The following PCSK5 variants were observed in gnomAD, a reference collection of about 807,000 sequenced individuals.
PCSK5 encodes the protein proprotein convertase subtilisin/kexin type 5.
A neutral mutation model predicts 233.2 loss-of-function variants in PCSK5; 129 were observed. That is an observed-to-expected ratio of 0.55 (90% CI 0.48 to 0.64). The LOEUF is 0.64. Ranked by LOEUF, PCSK5 falls within the 30% of genes least tolerant of loss-of-function variation. The probability of loss-of-function intolerance (pLI) is 0.00; values close to 1 mark genes in which losing one functional copy is unlikely to be tolerated. For missense variants in PCSK5, 2,076 were observed against 2,430.1 expected (o/e 0.85, Z 3.06); for synonymous variants, 825 against 879.2 (o/e 0.94, Z 1.09).
rs1286020691 is a variant in PCSK5 at position 76,282,145 on chromosome 9, T to TTTTTTTTC, written c.3143-10086_3143-10085insTTTTTCTT. 3.4e-4 allele frequency among the ~76,000 whole-genome samples: 34 copies of TTTTTTTTC among 98,988 alleles called. 8 individuals are homozygous for TTTTTTTTC. Among genetic ancestry groups the TTTTTTTTC allele is most frequent in the Admixed American group, 5.2e-4 (4 of 7,630 alleles). The allele number at this position is 98,988 out of a possible 152,430, so 64.9% of individuals were successfully genotyped here. On this transcript the variant is annotated intron_variant, in intron 24 of 37. Transcript: ENST00000674117. ...CTTTTTTTTTTTTTTTTTTTTTTTTTTTCGCTCTGTTGCCCAGGCTGGAGC... is the reference window on the plus strand; with the variant it reads ...CTTTTTTTTTTTTTTTTTTTTTTTTTTTTTTTTCTTCGCTCTGTTGCCCAGGCTGGAGC...
chr9:76,069,995 A>G (rs1830426116), intron 6 of PCSK5, among the ~76,000 whole-genome samples: 1 of 123,804 alleles, frequency 8.1e-6, no homozygotes, highest in South Asian at 2.9e-4. Flanking sequence ...TTTCCATTCC[A>G]ATTTTTTTTT....
chr9:76,247,770 T>C (rs1826662179), intron 24 of PCSK5, among the ~76,000 whole-genome samples: 1 of 149,902 alleles, frequency 6.7e-6, no homozygotes, highest in African/African-American at 2.5e-5. Flanking sequence ...CTTCACTAGC[T>C]ATATCTTTTT....
chr9:75,986,715 T>G (rs2131394415), intron 3 of PCSK5, among the ~76,000 whole-genome samples: 1 of 152,318 alleles, frequency 6.6e-6, no homozygotes, highest in South Asian at 2.1e-4. Context: ...GCACTCTCAC[T>G]TTAGGTAATA....
chr9:76,091,757 C>T (rs1019916921), intron 7 of PCSK5, among the ~76,000 whole-genome samples: 1 of 152,184 alleles, frequency 6.6e-6, no homozygotes, highest in Non-Finnish European at 1.5e-5. Context: ...TGACCAACTC[C>T]GATTAGCCCC....
intron 24 of PCSK5, among the ~76,000 whole-genome samples, chr9:76,258,910 T>C (rs1164471119): frequency 6.6e-6 from 1 of 152,214 alleles, no homozygotes; most frequent in African/African-American, 2.4e-5. Context: ...ACGTGGCTAA[T>C]GACAGTTACC....
intron 5 of PCSK5, among the ~76,000 whole-genome samples, chr9:76,056,590 TTA>T (rs1829826687): frequency 6.6e-6 from 1 of 152,238 alleles, no homozygotes; most frequent in Admixed American, 6.5e-5. Flanking sequence ...AGACCTTTAA[TTA>T]TAGTGGTTTA....
chr9:76,329,971 C>T (rs898049756), intron 33 of PCSK5, among the ~76,000 whole-genome samples: 1 of 152,076 alleles, frequency 6.6e-6, no homozygotes, highest in African/African-American at 2.4e-5. Flanking sequence ...CCGAGAGTCA[C>T]ACCTGGAGGA....
intron 5 of PCSK5, among the ~76,000 whole-genome samples, chr9:76,049,132 G>C (rs1003949766): frequency 1.6e-4 from 24 of 151,832 alleles, no homozygotes; most frequent in Non-Finnish European, 5.9e-5. Flanking sequence ...GAAAAAAGGA[G>C]ACATGTCAGA....
intron 30 of PCSK5, among the ~76,000 whole-genome samples, chr9:76,315,989 T>G (rs1939173581): frequency 6.9e-6 from 1 of 145,190 alleles, no homozygotes; most frequent in African/African-American, 2.5e-5. Context: ...TTTCAGCATC[T>G]CATCCAACAT....
At chr9:76,048,720 A>G (rs945483851) in intron 5 of PCSK5, among the ~76,000 whole-genome samples, 1 of 152,232 alleles carries the variant, frequency 6.6e-6, no homozygotes, top group Non-Finnish European at 1.5e-5. Context: ...TAAATGTGAG[A>G]ACCTAAGTGA....
At chr9:76,085,475 A>T (rs1354074530) in intron 7 of PCSK5, among the ~76,000 whole-genome samples, 1 of 152,278 alleles carries the variant, frequency 6.6e-6, no homozygotes, top group Non-Finnish European at 1.5e-5. Context: ...AAGATTGCAC[A>T]TATGAAGTAT....
At chr9:76,090,593 GTTC>G (rs1831244969) in intron 7 of PCSK5, among the ~76,000 whole-genome samples, 1 of 152,134 alleles carries the variant, frequency 6.6e-6, no homozygotes. Flanking sequence ...GCAGGCCATT[GTTC>G]TTCTCTTCCT....
At chr9:75,948,887 T>G (rs1180146423) in intron 2 of PCSK5, among the ~76,000 whole-genome samples, 1 of 152,022 alleles carries the variant, frequency 6.6e-6, no homozygotes, top group African/African-American at 2.4e-5. Context: ...GAGCTTATTG[T>G]GTACAAGGCA....
intron 3 of PCSK5, among the ~76,000 whole-genome samples, chr9:76,016,229 C>A (rs572491463): frequency 4.3e-4 from 66 of 152,336 alleles, no homozygotes; most frequent in Admixed American, 8.5e-4. Flanking sequence ...AGGTATGGAC[C>A]AACCATAGTG....
intron 5 of PCSK5, among the ~76,000 whole-genome samples, chr9:76,046,804 C>T (rs1017611813): frequency 6.6e-6 from 1 of 151,842 alleles, no homozygotes; most frequent in African/African-American, 2.4e-5. Flanking sequence ...TCATGATCCG[C>T]CCGCCTCGGC....
chr9:76,211,254 C>A (rs1825319466), intron 20 of PCSK5, among the ~76,000 whole-genome samples: 1 of 152,206 alleles, frequency 6.6e-6, no homozygotes, highest in Non-Finnish European at 1.5e-5. Context: ...TATCAACATC[C>A]ATTCGTATGA....
At chr9:75,938,468 A>G (rs746793109) in intron 2 of PCSK5, among the ~76,000 whole-genome samples, 19 of 152,218 alleles carry the variant, frequency 1.2e-4, no homozygotes, top group Non-Finnish European at 2.4e-4. Flanking sequence ...ATATAATAAC[A>G]TTGAAAAAGT....
At chr9:75,901,727 T>G (rs1285347719) in intron 1 of PCSK5, among the ~76,000 whole-genome samples, 1 of 152,102 alleles carries the variant, frequency 6.6e-6, no homozygotes, top group Non-Finnish European at 1.5e-5. Context: ...TGGAACACTT[T>G]TAGGAAATGC....
intron 20 of PCSK5, among the ~76,000 whole-genome samples, chr9:76,217,290 TAAG>T (rs1825571047): frequency 6.6e-6 from 1 of 152,118 alleles, no homozygotes; most frequent in Admixed American, 6.5e-5. Flanking sequence ...CACCAGACAA[TAAG>T]AAGTGAGTTG....
Sources: gnomAD v4.1 joint callset for allele counts (sites outside exome capture counted in the v4.1 genomes callset) on GRCh38, gnomAD v4.1.1 for gene constraint, MANE v1.5 for transcripts, NCBI Gene and HGNC (gene_info 2026-07-23, HGNC 2026-07-21) for gene names.